The following PREX1 variants were observed in gnomAD, a reference collection of about 807,000 sequenced individuals.
The protein encoded by PREX1 is phosphatidylinositol-3,4,5-trisphosphate dependent Rac exchange factor 1.
A neutral mutation model predicts 198.3 loss-of-function variants in PREX1; 41 were observed. The observed-to-expected ratio is 0.21, with a 90% CI of 0.16 to 0.27. PREX1 has a LOEUF of 0.27. Ranked by LOEUF, PREX1 falls within the 10% of genes least tolerant of loss-of-function variation. The pLI, the probability that PREX1 is intolerant of heterozygous loss-of-function variation, is 1.00. For synonymous variants in PREX1, 843 were observed against 887.2 expected, an observed-to-expected ratio of 0.95 and a Z score of 0.89; for missense variants, 1,620 against 2,200.7, an observed-to-expected ratio of 0.74 and a Z score of 5.28.
At chr20:48,708,176 G>A (rs2089912551) in intron 6 of PREX1, 84 bp downstream of exon 6, 7 of 1,424,422 alleles carry the variant, frequency 4.9e-6, no homozygotes, top group South Asian at 1.3e-5. Flanking sequence ...AGACTGACAG[G>A]TGCCCAGGCC....
At chr20:48,742,734 C>T (rs1268263213) in intron 3 of PREX1, among the ~76,000 whole-genome samples, 1 of 152,128 alleles carries the variant, frequency 6.6e-6, no homozygotes, top group African/African-American at 2.4e-5. Flanking sequence ...GTCCCCAGCC[C>T]CCCAGCCCTC....
rs1381684209 is a variant in PREX1, at chr20:48,652,700, A to G, written c.2353T>C (p.Tyr785His). Residue 785 changes from tyrosine (Y) to histidine (H), a missense_variant, in exon 21 of 40, where the codon TAC becomes CAC. Physicochemically the swap from Tyr to His is moderately conservative, Grantham distance 83. Around this residue, in one of 7 missense-constraint regions of PREX1, gnomAD observed 514 missense variants for 611.6 expected, o/e 0.84. Coordinates refer to ENST00000371941, the MANE Select transcript of PREX1 (RefSeq NM_020820.4). The stretch of plus-strand genomic sequence containing the variant: ...TCATGGGTGTGGTAGATCCACTGGT[A>G]CAGGCCCTGCCAGAAGCCAGAGTAA... ...RSRREEALGL[Y>H]QWIYHTHEDA... 1.2e-6 allele frequency: 2 copies of G among 1,612,064 alleles called. No homozygotes were observed. The highest frequency in any genetic ancestry group is 1.1e-5 in the South Asian group (1 of 90,830).
At chr20:48,761,949 T>G (rs1179322136) in intron 1 of PREX1, among the ~76,000 whole-genome samples, 1 of 152,230 alleles carries the variant, frequency 6.6e-6, no homozygotes, top group African/African-American at 2.4e-5. Flanking sequence ...CTGCAGGTGC[T>G]GTAGAGCAGA....
At chr20:48,779,860 G>C (rs2090280370) in intron 1 of PREX1, among the ~76,000 whole-genome samples, 1 of 152,188 alleles carries the variant, frequency 6.6e-6, no homozygotes, top group Non-Finnish European at 1.5e-5. Flanking sequence ...GATGGGGGAA[G>C]GTGTGACTAC....
At chr20:48,865,010 T>C in the PREX1 span, among the ~76,000 whole-genome samples, 1 of 152,062 alleles carries the variant, frequency 6.6e-6, no homozygotes, top group South Asian at 2.1e-4. Context: ...GGCAAAGTTT[T>C]TGACAATCAG....
intron 32 of PREX1, among the ~76,000 whole-genome samples, chr20:48,635,061 CT>C (rs2122833310): frequency 6.6e-6 from 1 of 152,330 alleles, no homozygotes; most frequent in South Asian, 2.1e-4. Flanking sequence ...CTAACTTAAC[CT>C]TTTTGAGCCT....
rs150701415 is a variant in PREX1 at position 48,762,947 on chromosome 20, C to T, written c.220-15067G>A. Among the ~76,000 whole-genome samples, 30 of 152,328 alleles carry T rather than the reference C, an allele frequency of 2.0e-4. 1 individual carries two copies. The highest frequency in any genetic ancestry group is 2.9e-5 in the Non-Finnish European group (2 of 68,024). On this transcript the variant is annotated intron_variant, in intron 1 of 39. Transcript: ENST00000371941. ...CAAACTACGGACCTCAGGTGATGCA[C>T]CTGCCTTGGCCTCCCAAAGTTCTGG...
intron 14 of PREX1, among the ~76,000 whole-genome samples, chr20:48,674,118 T>G (rs1029172474): frequency 7.9e-5 from 12 of 152,228 alleles, no homozygotes; most frequent in African/African-American, 2.9e-4. Flanking sequence ...TTAGCAGCTC[T>G]GCCCTTCACA....
intron 5 of PREX1, among the ~76,000 whole-genome samples, chr20:48,718,752 AACAG>A (rs1450431065): frequency 3.3e-5 from 5 of 152,242 alleles, no homozygotes; most frequent in Admixed American, 3.3e-4. Context: ...TATTGGAAAA[AACAG>A]ACGTTGAAAC....
intron 7 of PREX1, among the ~76,000 whole-genome samples, chr20:48,698,366 G>A (rs911797024): frequency 2.0e-5 from 3 of 152,202 alleles, no homozygotes; most frequent in Non-Finnish European, 2.9e-5. Context: ...CTAAAGGGAC[G>A]TTCTGTTTTC....
chr20:48,726,045 A>G (rs1696749242), intron 5 of PREX1, among the ~76,000 whole-genome samples: 2 of 152,266 alleles, frequency 1.3e-5, no homozygotes, highest in South Asian at 4.1e-4. Context: ...ACTCTTTCCC[A>G]CTGACCTTAA....
intron 5 of PREX1, among the ~76,000 whole-genome samples, chr20:48,721,244 G>T (rs1568838835): frequency 6.6e-6 from 1 of 152,222 alleles, no homozygotes; most frequent in Non-Finnish European, 1.5e-5. Flanking sequence ...CCCTTGGGGA[G>T]CTGATGTCTC....
At chr20:48,776,177 G>A (rs1422520253) in intron 1 of PREX1, among the ~76,000 whole-genome samples, 1 of 152,072 alleles carries the variant, frequency 6.6e-6, no homozygotes, top group East Asian at 1.9e-4. Flanking sequence ...CTGTAAAATG[G>A]GGACACAAGT....
intron 27 of PREX1, 88 bp from the exon 28 acceptor site, chr20:48,642,577 AC>A: frequency 8.4e-7 from 1 of 1,195,712 alleles, no homozygotes; most frequent in South Asian, 1.5e-5. Flanking sequence ...GGATACAGCT[AC>A]AGAACTCCAA....
the PREX1 span, among the ~76,000 whole-genome samples, chr20:48,855,117 T>TA: frequency 6.6e-6 from 1 of 152,226 alleles, no homozygotes; most frequent in East Asian, 1.9e-4. Flanking sequence ...GAGCAAGGTA[T>TA]AAAAAATAGC....
intron 1 of PREX1, among the ~76,000 whole-genome samples, chr20:48,759,022 C>T (rs1432992429): frequency 6.6e-6 from 1 of 152,078 alleles, no homozygotes; most frequent in Non-Finnish European, 1.5e-5. Context: ...CCCTCCCTAC[C>T]CTTAGAAACT....
chr20:48,708,527 G>A, intron 5 of PREX1, 106 bp from the exon 6 acceptor site: 1 of 1,230,906 alleles, frequency 8.1e-7, no homozygotes, highest in Non-Finnish European at 1.1e-6. Context: ...TCCTCGCCTG[G>A]TGGACATTAC....
intron 9 of PREX1, 145 bp downstream of exon 9, chr20:48,690,802 T>C: frequency 8.5e-7 from 1 of 1,173,320 alleles, no homozygotes; most frequent in Non-Finnish European, 1.2e-6. Flanking sequence ...GTCCCAGAGC[T>C]CCCTGTCCCT....
At chr20:48,796,999 G>T (rs1393606336) in intron 1 of PREX1, among the ~76,000 whole-genome samples, 1 of 151,992 alleles carries the variant, frequency 6.6e-6, no homozygotes, top group African/African-American at 2.4e-5. Flanking sequence ...TGATCTGAGT[G>T]ACAGTTATTC....
Sources: gnomAD v4.1 joint callset for allele counts (sites outside exome capture counted in the v4.1 genomes callset) on GRCh38, gnomAD v4.1.1 for gene constraint, gnomAD v4.1.1 regional missense constraint, MANE v1.5 for transcripts, NCBI Gene and HGNC (gene_info 2026-07-23, HGNC 2026-07-21) for gene names.